The following BIRC6 variants were observed in gnomAD, a reference collection of about 807,000 sequenced individuals.
BIRC6 encodes the protein baculoviral IAP repeat containing 6, also known as dual E2 ubiquitin-conjugating enzyme/E3 ubiquitin-protein ligase BIRC6.
BIRC6 carries 98 observed loss-of-function variants against 503.3 expected under a neutral mutation model. That is an observed-to-expected ratio of 0.19 (90% confidence interval 0.17 to 0.23). The LOEUF (loss-of-function observed/expected upper bound fraction) is 0.23, where lower values mean the gene tolerates loss of function less well. Among genes scored for constraint, BIRC6 ranks in the 10% least tolerant of loss-of-function variants. The pLI, the probability that BIRC6 is intolerant of heterozygous loss-of-function variation, is 1.00. For missense variants in BIRC6, 5,360 were observed against 5,806.0 expected, an observed-to-expected ratio of 0.92 and a Z score of 2.50; for synonymous variants, 2,240 against 2,078.7, an observed-to-expected ratio of 1.08 and a Z score of -2.11.
intron 70 of BIRC6, chr2:32,602,803 G>T: frequency 2.2e-6 from 1 of 462,960 alleles, no homozygotes; most frequent in Non-Finnish European, 3.8e-6. Flanking sequence ...TTTGCATTAT[G>T]AAAAAGTTAT....
intron 50 of BIRC6, among the ~76,000 whole-genome samples, chr2:32,505,635 ATAT>A (rs2053713407): frequency 6.6e-6 from 1 of 152,146 alleles, no homozygotes; most frequent in Non-Finnish European, 1.5e-5. Flanking sequence ...TTTTTGAATA[ATAT>A]TATATTTTGA....
rs1166383796 is a variant in BIRC6, at chr2:32,511,476, A to ATT, written c.10346+868_10346+869dup. Among the ~76,000 whole-genome samples the ATT allele has an allele frequency of 8.1e-3, 652 of 80,096 alleles. 50 individuals carry two copies. Among genetic ancestry groups the ATT allele is most frequent in the African/African-American group, 0.013 (278 of 20,900 alleles). 52.5% of individuals were successfully genotyped at this position (80,096 alleles called of 152,430 possible). A position where few individuals can be genotyped will look rare whatever the true frequency, so the allele number is the denominator to read the frequency against. On this transcript the variant is annotated intron_variant, in intron 53 of 73. Transcript: ENST00000421745. ...AGGCGACCACCACTATAACTGACTA[A>ATT]TTTTTTTTTTTTTTTTTTTTTTTTT...
At chr2:32,580,081 G>A (rs965120851) in intron 66 of BIRC6, among the ~76,000 whole-genome samples, 2 of 151,798 alleles carry the variant, frequency 1.3e-5, no homozygotes, top group Non-Finnish European at 2.9e-5. Flanking sequence ...AGCCTCCCGA[G>A]TAGCTGGGAT....
At chr2:32,377,794 G>T in intron 2 of BIRC6, 25 bp downstream of exon 2, 1 of 1,577,046 alleles carries the variant, frequency 6.3e-7, no homozygotes, top group Non-Finnish European at 8.6e-7. Flanking sequence ...GTATCAATGT[G>T]GTCCTCTACT....
At chr2:32,507,892 GA>G (rs1261194923) in intron 50 of BIRC6, 87 bp from the exon 51 acceptor site, 2 of 1,267,216 alleles carry the variant, frequency 1.6e-6, no homozygotes, top group Admixed American at 5.9e-5. Context: ...ATACAACTGT[GA>G]AAGCTGCTAT....
In BIRC6 at chr2:32,415,849, A is replaced by G. The variant is rs779941528; in HGVS notation, c.2558A>G (p.Gln853Arg). 8 of 1,613,958 alleles carry G rather than the reference A, an allele frequency of 5.0e-6. No homozygotes were observed. The highest frequency in any genetic ancestry group is 6.8e-6 in the Non-Finnish European group (8 of 1,179,894). The change falls in exon 10 of 74, where the codon CAG becomes CGG. Residue 853 changes from glutamine (Q) to arginine (R), a missense_variant. Gln to Arg is a conservative substitution (Grantham distance 43). Around this residue, in one of 16 missense-constraint regions of BIRC6, gnomAD observed 700 missense variants for 739.3 expected, o/e 0.95. Transcript: ENST00000421745. ...AAAATACAACATATCAAAGATCCCC[A>G]GGACACAATTACCTCGCTCATTTTG... is the stretch of plus-strand genomic sequence containing the variant. The part of the protein sequence containing the change: ...PIKIQHIKDP[Q>R]DTITSLILLP...
intron 65 of BIRC6, among the ~76,000 whole-genome samples, chr2:32,571,717 T>C (rs534642521): frequency 3.0e-4 from 45 of 152,270 alleles, no homozygotes; most frequent in African/African-American, 1.0e-3. Flanking sequence ...GCTGATGCTT[T>C]GTATATTTTT....
intron 35 of BIRC6, 25 bp downstream of exon 35, chr2:32,477,608 T>A: frequency 6.3e-7 from 1 of 1,597,646 alleles, no homozygotes; most frequent in African/African-American, 1.3e-5. Context: ...AGTGTAGACT[T>A]ACAGGGTTGG....
chr2:32,460,268 A>ATTTTTTTTTTTTTTTTTTTTTT (rs1558786223), intron 23 of BIRC6, among the ~76,000 whole-genome samples: 1 of 25,992 alleles, frequency 3.8e-5, no homozygotes, highest in Non-Finnish European at 6.9e-5. Flanking sequence ...ATATATATAT[A>ATTTTTTTTTTTTTTTTTTTTTT]TATATTTTTT....
At chr2:32,435,960 TG>T in intron 14 of BIRC6, 92 bp from the exon 15 acceptor site, 1 of 666,758 alleles carries the variant, frequency 1.5e-6, no homozygotes, top group South Asian at 4.9e-5. Flanking sequence ...TTTTGTGTGG[TG>T]GTATTATATG....
rs1016696954 is a variant in BIRC6, at chr2:32,487,672, T to C, written c.7839T>C (p.Asp2613=). 6.2e-7 allele frequency: 1 copy of C among 1,613,672 alleles called. No homozygotes were observed. Among genetic ancestry groups the C allele is most frequent in the Non-Finnish European group, 8.5e-7 (1 of 1,179,682 alleles). ...TATCACAGTCTCCCACTGGAACAGATGATTCACTTCTAGGGGGTTTACAAG... is the reference window on the plus strand; with the variant it reads ...TATCACAGTCTCCCACTGGAACAGACGATTCACTTCTAGGGGGTTTACAAG... The part of the protein sequence containing the change: ...PTLSQSPTGT[D]DSLLGGLQAA... Residue 2613 remains aspartate, a synonymous_variant, in exon 41 of 74, where the codon GAT becomes GAC. Transcript: ENST00000421745.
chr2:32,587,587 G>A (rs2061127956), intron 66 of BIRC6, among the ~76,000 whole-genome samples: 1 of 152,018 alleles, frequency 6.6e-6, no homozygotes, highest in Non-Finnish European at 1.5e-5. Context: ...AGCCAGGCGT[G>A]GTGGTGTGCA....
At position 32,547,875 on chromosome 2, in the gene BIRC6, C is replaced by G. The variant is rs772992707; in HGVS notation, c.12836C>G (p.Pro4279Arg). 2.5e-6 allele frequency: 4 copies of G among 1,606,008 alleles called. No individual in the cohort carries two copies. In the East Asian group the frequency reaches 6.7e-5, roughly 27 times the overall value. Residue 4279 changes from proline (P) to arginine (R), a missense_variant, in exon 64 of 74, where the codon CCT becomes CGT. Physicochemically the swap from Pro to Arg is moderately radical, Grantham distance 103. This residue lies in a region of BIRC6 where 477 missense variants were observed against 574.4 expected (regional missense o/e 0.83). Coordinates refer to ENST00000421745, the MANE Select transcript of BIRC6 (RefSeq NM_016252.4). ...TEPQVSSSHN[P>R]TSTEEQQLYW... is the part of the protein sequence containing the mutation. ...CCACAGGTGTCAAGCTCTCATAACC[C>G]TACATCAACAGAAGAACAACAGTTA...
intron 65 of BIRC6, among the ~76,000 whole-genome samples, chr2:32,566,848 A>G (rs1313337362): frequency 1.3e-5 from 2 of 152,204 alleles, no homozygotes; most frequent in Non-Finnish European, 2.9e-5. Context: ...AATTAACAGT[A>G]TTCATTTATG....
At position 32,482,425 on chromosome 2, in the gene BIRC6, T is replaced by C. The variant is rs1455727511; in HGVS notation, c.7543-4T>C. 6.2e-7 allele frequency: 1 copy of C among 1,608,230 alleles called. No homozygotes were observed. Among genetic ancestry groups the C allele is most frequent in the Non-Finnish European group, 8.5e-7 (1 of 1,177,118 alleles). ...AACCACAGTTTTTTTTCCATTCTTT[T>C]AAGCCAATAAGCAGTACATGGTATG... On this transcript the variant is annotated splice_polypyrimidine_tract_variant and splice_region_variant and intron_variant, in intron 38 of 73. Transcript: ENST00000421745.
intron 57 of BIRC6, chr2:32,522,317 A>G (rs2055816111): frequency 6.6e-6 from 1 of 151,810 alleles, no homozygotes; most frequent in South Asian, 2.1e-4. Flanking sequence ...GGTGCTGAAT[A>G]TTTTGTATTC....
chr2:32,582,974 A>T (rs1385418099), intron 66 of BIRC6, among the ~76,000 whole-genome samples: 1 of 152,152 alleles, frequency 6.6e-6, no homozygotes, highest in Non-Finnish European at 1.5e-5. Context: ...TTTATTTTTG[A>T]AACAGTAGAC....
At chr2:32,548,098 T>C (rs2058174370) in intron 64 of BIRC6, 84 bp downstream of exon 64, 1 of 1,244,778 alleles carries the variant, frequency 8.0e-7, no homozygotes, top group African/African-American at 1.5e-5. Context: ...CTAATCCAAC[T>C]TTCCTCAGCT....
rs61754194 is a variant in BIRC6 at position 32,443,563 on chromosome 2, A to G, written c.4311A>G (p.Ser1437=). ...VLLKALLDNM[S]FLPAATTGGS... ...TGAAGGCTTTACTTGATAATATGTC[A>G]TTTTTACCTGCAGCAACAACTGGTG... The change falls in exon 20 of 74, where the codon TCA becomes TCG. Residue 1437 remains serine, a synonymous_variant. Transcript: ENST00000421745. 4.5e-3 allele frequency: 7,158 copies of G among 1,606,092 alleles called. 34 individuals carry two copies. Among genetic ancestry groups the G allele is most frequent in the Non-Finnish European group, 5.6e-3 (6,544 of 1,175,990 alleles).
Sources: gnomAD v4.1 joint callset for allele counts (sites outside exome capture counted in the v4.1 genomes callset) on GRCh38, gnomAD v4.1.1 for gene constraint, gnomAD v4.1.1 regional missense constraint, MANE v1.5 for transcripts, NCBI Gene and HGNC (gene_info 2026-07-23, HGNC 2026-07-21) for gene names.